INO80: variants seen among roughly 807,000 people sequenced by gnomAD.
INO80 encodes chromatin-remodeling ATPase INO80.
A neutral mutation model predicts 203.4 loss-of-function variants in INO80; 20 were observed. The observed-to-expected ratio is 0.10, with a 90% confidence interval of 0.07 to 0.14. The LOEUF is 0.14. Among genes scored for constraint, INO80 ranks in the 10% least tolerant of loss-of-function variants. INO80 has a pLI of 1.00. For synonymous variants in INO80, 726 were observed against 685.2 expected, an observed-to-expected ratio of 1.06 and a Z score of -0.93; for missense variants, 1,419 against 1,914.4, an observed-to-expected ratio of 0.74 and a Z score of 4.83.
At chr15:41,015,175 A>G (rs752800956) in intron 27 of INO80, among the ~76,000 whole-genome samples, 3 of 152,236 alleles carry the variant, frequency 2.0e-5, no homozygotes, top group Non-Finnish European at 4.4e-5. Context: ...GCAATTAAAG[A>G]AACAAAAGCT....
At chr15:41,084,636 G>A (rs756971501) in intron 7 of INO80, among the ~76,000 whole-genome samples, 9 of 152,016 alleles carry the variant, frequency 5.9e-5, no homozygotes, top group Non-Finnish European at 4.4e-5. Context: ...TGTTTAACTC[G>A]TTCACATTTT....
At chr15:41,006,654 C>T (rs2044044624) in intron 27 of INO80, among the ~76,000 whole-genome samples, 1 of 152,158 alleles carries the variant, frequency 6.6e-6, no homozygotes, top group African/African-American at 2.4e-5. Flanking sequence ...TCTGGTGCAG[C>T]GTATGTGACA....
At chr15:41,000,699 CCT>C (rs1170129315) in intron 28 of INO80, among the ~76,000 whole-genome samples, 1 of 126,068 alleles carries the variant, frequency 7.9e-6, no homozygotes, top group African/African-American at 3.2e-5. Flanking sequence ...AGAGTGGCAC[CCT>C]GTCTCAAAAA....
At chr15:40,999,035 T>C (rs975615381) in intron 28 of INO80, among the ~76,000 whole-genome samples, 5 of 138,962 alleles carry the variant, frequency 3.6e-5, no homozygotes, top group African/African-American at 1.2e-4. Context: ...AGGGCTCAGT[T>C]TGGTGCTTTA....
chr15:41,044,399 A>G (rs1284338649), intron 24 of INO80, among the ~76,000 whole-genome samples: 1 of 152,262 alleles, frequency 6.6e-6, no homozygotes, highest in African/African-American at 2.4e-5. Flanking sequence ...GACATGGACA[A>G]ATCTCATAAA....
intron 12 of INO80, 38 bp from the exon 13 acceptor site, chr15:41,070,585 T>C (rs1443876434): frequency 6.6e-7 from 1 of 1,513,496 alleles, no homozygotes; most frequent in South Asian, 1.1e-5. Flanking sequence ...CCTCATGCAT[T>C]TCATCAAATA....
chr15:41,015,406 T>C (rs1374083438), intron 27 of INO80, among the ~76,000 whole-genome samples: 1 of 152,186 alleles, frequency 6.6e-6, no homozygotes, highest in Non-Finnish European at 1.5e-5. Flanking sequence ...TTAACTCAGG[T>C]TGAATAGCTG....
At position 41,087,683 on chromosome 15, in the gene INO80, C is replaced by G. The variant is rs1406176619; in HGVS notation, c.538-1G>C. ...CACTGTAGTACTGATATTGCTGCAA[C>G]TGAAGCAGGCAAAGACCATGATGGG... On this transcript the variant is annotated splice_acceptor_variant, in intron 5 of 35. Coordinates refer to ENST00000648947, the MANE Select transcript of INO80 (RefSeq NM_017553.3). LOFTEE classifies it high-confidence loss of function. The G allele has an allele frequency of 1.2e-6, 2 of 1,609,232 alleles. No homozygotes were observed. Among genetic ancestry groups the G allele is most frequent in the East Asian group, 4.5e-5 (2 of 44,808 alleles).
intron 4 of INO80, among the ~76,000 whole-genome samples, chr15:41,095,165 C>A (rs565884975): frequency 6.6e-6 from 1 of 152,088 alleles, no homozygotes; most frequent in Non-Finnish European, 1.5e-5. Flanking sequence ...ATGGTGAAAC[C>A]CCATTTCTAC....
intron 1 of INO80, among the ~76,000 whole-genome samples, chr15:41,113,238 G>A (rs928620492): frequency 4.0e-5 from 6 of 150,814 alleles, no homozygotes; most frequent in African/African-American, 1.5e-4. Flanking sequence ...TTTGTATGTT[G>A]GCATATAAAA....
chr15:41,106,290 G>A (rs2045879514), intron 1 of INO80, among the ~76,000 whole-genome samples: 2 of 151,092 alleles, frequency 1.3e-5, no homozygotes, highest in African/African-American at 4.9e-5. Context: ...AGGCTGGGGT[G>A]TGAGGATGGC....
chr15:41,074,343 T>C (rs775867943), intron 10 of INO80, 27 bp downstream of exon 10: 2 of 1,511,210 alleles, frequency 1.3e-6, no homozygotes, highest in Admixed American at 2.1e-5. Flanking sequence ...GAGGTAGCCT[T>C]CCTCTAAGTC....
At chr15:41,046,768 C>A (rs1404443327) in intron 23 of INO80, among the ~76,000 whole-genome samples, 2 of 151,698 alleles carry the variant, frequency 1.3e-5, no homozygotes, top group Non-Finnish European at 2.9e-5. Flanking sequence ...CAGTGGTGTA[C>A]CACCACACCC....
At chr15:41,082,300 A>T (rs555773099) in intron 7 of INO80, among the ~76,000 whole-genome samples, 1 of 150,752 alleles carries the variant, frequency 6.6e-6, no homozygotes, top group South Asian at 2.1e-4. Context: ...GCAGTGGCTT[A>T]CACCTGCAAC....
chr15:40,984,792 A>G (rs1893959158), intron 32 of INO80, among the ~76,000 whole-genome samples: 1 of 152,262 alleles, frequency 6.6e-6, no homozygotes, highest in Non-Finnish European at 1.5e-5. Flanking sequence ...GACTGAATGC[A>G]GTCCCACAAA....
intron 24 of INO80, among the ~76,000 whole-genome samples, chr15:41,043,807 T>C (rs1347895991): frequency 1.3e-5 from 2 of 152,186 alleles, no homozygotes; most frequent in East Asian, 3.8e-4. Context: ...TGAGGTTCCA[T>C]ATGACCTGGA....
chr15:41,108,538 G>C lies in INO80; in HGVS notation c.-44+7435C>G, dbSNP rs936275777. On this transcript the variant is annotated intron_variant, in intron 1 of 35. Coordinates refer to ENST00000648947, the MANE Select transcript of INO80 (RefSeq NM_017553.3). The stretch of plus-strand genomic sequence containing the variant: ...ACTCGGGAGGCGGAGCTTGCAGTGA[G>C]CCGAGATCTCGCCACTGCATTCCAG... Among the ~76,000 whole-genome samples the C allele has an allele frequency of 6.9e-4, 102 of 148,710 alleles. 5 individuals carry two copies. The highest frequency in any genetic ancestry group is 6.8e-5 in the Admixed American group (1 of 14,672).
intron 25 of INO80, chr15:41,023,340 C>T (rs776633953): frequency 5.7e-5 from 26 of 455,568 alleles, no homozygotes; most frequent in South Asian, 2.3e-4. Flanking sequence ...GGATGTGTGT[C>T]GCAGACCTGC....
At chr15:41,106,375 C>T (rs1203306929) in intron 1 of INO80, among the ~76,000 whole-genome samples, 1 of 135,038 alleles carries the variant, frequency 7.4e-6, no homozygotes, top group Admixed American at 7.8e-5. Context: ...CAGGGCCAGA[C>T]CCTGTCTCAA....
Sources: allele counts gnomAD v4.1 joint callset (sites outside exome capture counted in the v4.1 genomes callset), GRCh38; gene constraint gnomAD v4.1.1; transcripts MANE v1.5; gene names NCBI Gene and HGNC (gene_info 2026-07-23, HGNC 2026-07-21).